The following ST6GALNAC6 variants were observed in gnomAD, a reference collection of about 807,000 sequenced individuals.
ST6GALNAC6 encodes the protein alpha-N-acetylgalactosaminide alpha-2,6-sialyltransferase 6.
ST6GALNAC6 carries 19 observed loss-of-function variants against 34.3 expected under a neutral mutation model. That is an observed-to-expected ratio of 0.55 (90% CI 0.39 to 0.81). The LOEUF (loss-of-function observed/expected upper bound fraction) is 0.81, where lower values mean the gene tolerates loss of function less well. Among genes scored for constraint, ST6GALNAC6 ranks in the 40% least tolerant of loss-of-function variants. The pLI is 0.00. For missense variants in ST6GALNAC6, 377 were observed against 467.7 expected (o/e 0.81, Z 1.79); for synonymous variants, 185 against 182.1 (o/e 1.02, Z -0.13).
upstream of ST6GALNAC6, chr9:127,905,987 C>T (rs1051527622): frequency 7.1e-6 from 7 of 985,564 alleles, no homozygotes; most frequent in Admixed American, 6.1e-5. Context: ...GCTCCGCTGC[C>T]AGCCTGCTCC....
chr9:127,901,480 G>A (rs897678948), upstream of ST6GALNAC6, among the ~76,000 whole-genome samples: 8 of 151,868 alleles, frequency 5.3e-5, no homozygotes, highest in South Asian at 2.1e-4. Flanking sequence ...CTTGGAACAC[G>A]CTACTTAATC....
At chr9:127,889,011 T>C (rs1829968627) in intron 5 of ST6GALNAC6, among the ~76,000 whole-genome samples, 1 of 152,176 alleles carries the variant, frequency 6.6e-6, no homozygotes, top group Non-Finnish European at 1.5e-5. Flanking sequence ...TATTTGCATG[T>C]CACATGATTA....
In ST6GALNAC6 at chr9:127,886,704, C is replaced by A; in HGVS notation, c.897G>T (p.Glu299Asp). The change falls in exon 7 of 7, where the codon GAG (glutamate) becomes GAT (aspartate). Residue 299 changes from glutamate (E) to aspartate (D), a missense_variant. By Grantham distance (45) the Glu-to-Asp change is conservative. Coordinates refer to ENST00000373146, the MANE Select transcript of ST6GALNAC6 (RefSeq NM_013443.5). ...GGTGGTGGTTGCCCTTGCGACTGTG[C>A]TCATTCTGGATGTAGGTGACACATT... ...PDECVTYIQN[E>D]HSRKGNHHRF... 1 of 1,614,126 alleles carries A rather than the reference C, an allele frequency of 6.2e-7. No individual in the cohort carries two copies. Among genetic ancestry groups the A allele is most frequent in the Non-Finnish European group, 8.5e-7 (1 of 1,179,996 alleles).
At chr9:127,900,866 C>T (rs1223647115), upstream of ST6GALNAC6, among the ~76,000 whole-genome samples, 1 of 144,986 alleles carries the variant, frequency 6.9e-6, no homozygotes, top group Non-Finnish European at 1.5e-5. Flanking sequence ...CACATGTAAT[C>T]CCAGCTACTT....
intron 6 of ST6GALNAC6, among the ~76,000 whole-genome samples, chr9:127,887,043 G>A (rs1829812284): frequency 6.6e-6 from 1 of 151,312 alleles, no homozygotes; most frequent in African/African-American, 2.4e-5. Context: ...TGAGGGCTGT[G>A]AGCACTGGAG....
At position 127,897,939 on chromosome 9, in the gene ST6GALNAC6, C is replaced by T. The variant is rs373448285; in HGVS notation, c.26+17G>A. ...AGCATGTCAGCTGCCAGTGCGAATC[C>T]CGGTTTCACCACTTACTGGCTGGGG... On this transcript the variant is annotated intron_variant, in intron 2 of 6. Transcript: ENST00000373146. 9.4e-5 allele frequency: 152 copies of T among 1,613,124 alleles called. No individual in the cohort carries two copies. Among genetic ancestry groups the T allele is most frequent in the Non-Finnish European group, 1.3e-4 (151 of 1,179,684 alleles).
At chr9:127,897,259 C>T in intron 2 of ST6GALNAC6, 1 of 985,890 alleles carries the variant, frequency 1.0e-6, no homozygotes, top group South Asian at 4.7e-5. Context: ...AGGCCGGGGG[C>T]AGGGCGGGCA....
Position 127,887,545 on chromosome 9 carries a change from T to G in ST6GALNAC6, c.751A>C (p.Ile251Leu). Residue 251 changes from isoleucine to leucine, a missense_variant, in exon 6 of 7, where the codon ATC (isoleucine) becomes CTC (leucine). Transcript: ENST00000373146. ...WLSTGWFTMV[I>L]AVELCDHVHV... ...ACGTGGTCACACAACTCCACCGCGA[T>G]CACCATGGTAAACCAGCCTGTGCTC... The G allele has an allele frequency of 6.2e-7, 1 of 1,613,018 alleles. No individual in the cohort carries two copies. Among genetic ancestry groups the G allele is most frequent in the African/African-American group, 1.3e-5 (1 of 75,018 alleles).
intron 2 of ST6GALNAC6, chr9:127,896,747 G>T: frequency 4.3e-6 from 2 of 469,414 alleles, no homozygotes; most frequent in Non-Finnish European, 5.6e-6. Context: ...TCTCTCTCAG[G>T]TTGGCCTGGA....
chr9:127,893,804 C>T (rs1397002552), intron 4 of ST6GALNAC6, among the ~76,000 whole-genome samples: 8 of 152,280 alleles, frequency 5.3e-5, no homozygotes, highest in South Asian at 2.1e-4. Context: ...GTCCAGAGCC[C>T]GGGCTCTACA....
intron 6 of ST6GALNAC6, among the ~76,000 whole-genome samples, chr9:127,887,014 C>T (rs914908029): frequency 2.0e-5 from 3 of 150,050 alleles, no homozygotes; most frequent in South Asian, 2.1e-4. Context: ...CCTAAGAAGG[C>T]GGCAGTGTGG....
At chr9:127,897,368 C>T (rs1830530144) in intron 2 of ST6GALNAC6, 6 of 986,034 alleles carry the variant, frequency 6.1e-6, no homozygotes, top group Non-Finnish European at 7.2e-6. Flanking sequence ...AGCCCTTTGA[C>T]CTAGCCGCTG....
intron 1 of ST6GALNAC6, among the ~76,000 whole-genome samples, 177 bp from the exon 2 acceptor site, chr9:127,898,187 G>A (rs1238167257): frequency 6.6e-6 from 1 of 152,112 alleles, no homozygotes; most frequent in Non-Finnish European, 1.5e-5. Flanking sequence ...TAGGTGAAGA[G>A]ATCCAGACCA....
chr9:127,892,134 A>G (rs1830184315), intron 4 of ST6GALNAC6, among the ~76,000 whole-genome samples: 1 of 152,178 alleles, frequency 6.6e-6, no homozygotes, highest in Non-Finnish European at 1.5e-5. Flanking sequence ...CTGGGCAACA[A>G]AAGCGAAACT....
upstream of ST6GALNAC6, among the ~76,000 whole-genome samples, chr9:127,906,332 C>T (rs1403113008): frequency 6.6e-6 from 1 of 152,334 alleles, no homozygotes; most frequent in East Asian, 1.9e-4. Context: ...GGCCCTGATC[C>T]CTGGAGCTGG....
At chr9:127,898,345 A>T (rs1035613878) in intron 1 of ST6GALNAC6, among the ~76,000 whole-genome samples, 1 of 152,222 alleles carries the variant, frequency 6.6e-6, no homozygotes, top group African/African-American at 2.4e-5. Flanking sequence ...GTGAACCGAG[A>T]TGGTGCCACT....
intron 2 of ST6GALNAC6, chr9:127,897,190 C>T: frequency 1.0e-6 from 1 of 985,796 alleles, no homozygotes; most frequent in Non-Finnish European, 1.2e-6. Flanking sequence ...CAGCTCCTTT[C>T]CAGGGTTCCC....
upstream of ST6GALNAC6, among the ~76,000 whole-genome samples, chr9:127,901,659 C>T (rs1046752397): frequency 3.3e-5 from 5 of 150,768 alleles, no homozygotes; most frequent in Non-Finnish European, 7.4e-5. Context: ...AGACCGGGTG[C>T]GGTGGCTCAG....
chr9:127,897,082 G>T (rs898072164), intron 2 of ST6GALNAC6: 46 of 867,908 alleles, frequency 5.3e-5, no homozygotes, highest in South Asian at 2.6e-4. Context: ...ACAGTCTCAG[G>T]GGGTGGCTGG....
Sources: gnomAD v4.1 joint callset for allele counts (sites outside exome capture counted in the v4.1 genomes callset) on GRCh38, gnomAD v4.1.1 for gene constraint, MANE v1.5 for transcripts, NCBI Gene and HGNC (gene_info 2026-07-23, HGNC 2026-07-21) for gene names.